Variants in LAMA2 observed in about 807,000 individuals in gnomAD.
LAMA2 encodes the protein laminin subunit alpha-2.
In LAMA2, 269 loss-of-function variants were observed where a neutral mutation model predicts 364.8. The observed-to-expected ratio is 0.74, with a 90% CI of 0.67 to 0.82. The LOEUF is 0.82. LAMA2 is among the 40% of genes least tolerant of loss of function. LAMA2 has a pLI of 0.00. For missense variants in LAMA2, 3,807 were observed against 3,873.2 expected (o/e 0.98, Z 0.45); for synonymous variants, 1,379 against 1,370.6 (o/e 1.01, Z -0.14).
At chr6:129,024,560 AT>A (rs1226230445) in intron 1 of LAMA2, among the ~76,000 whole-genome samples, 1 of 151,002 alleles carries the variant, frequency 6.6e-6, no homozygotes, top group Non-Finnish European at 1.5e-5. Context: ...TTTTTATTTT[AT>A]TTTTTTGTAT....
intron 1 of LAMA2, among the ~76,000 whole-genome samples, chr6:128,975,448 A>T (rs1204452115): frequency 2.0e-5 from 3 of 152,114 alleles, no homozygotes; most frequent in Non-Finnish European, 4.4e-5. Context: ...AAAGTATATG[A>T]CCTATTTCAG....
At chr6:129,118,667 A>G (rs909630368) in intron 4 of LAMA2, among the ~76,000 whole-genome samples, 3 of 152,210 alleles carry the variant, frequency 2.0e-5, no homozygotes, top group African/African-American at 7.2e-5. Flanking sequence ...TCTCTTCCCA[A>G]CTACTGTGAT....
chr6:129,384,993 G>T (rs1285009860), intron 35 of LAMA2, among the ~76,000 whole-genome samples: 3 of 135,364 alleles, frequency 2.2e-5, no homozygotes, highest in Non-Finnish European at 3.1e-5. Flanking sequence ...AACACTAAAT[G>T]TTCATTGAGA....
At chr6:129,175,815 ATG>A (rs1295569700) in intron 9 of LAMA2, among the ~76,000 whole-genome samples, 39 of 152,254 alleles carry the variant, frequency 2.6e-4, no homozygotes, top group Non-Finnish European at 4.9e-4. Flanking sequence ...TGTTCTGCAC[ATG>A]TATTCCAGAA....
At chr6:129,342,497 C>G (rs1475800822) in intron 30 of LAMA2, 30 bp downstream of exon 30, 1 of 1,607,080 alleles carries the variant, frequency 6.2e-7, no homozygotes, top group Non-Finnish European at 8.5e-7. Context: ...CCATATTTCC[C>G]AATCAGAAAC....
At chr6:129,057,405 G>A (rs895422029) in intron 2 of LAMA2, among the ~76,000 whole-genome samples, 1 of 151,842 alleles carries the variant, frequency 6.6e-6, no homozygotes, top group Non-Finnish European at 1.5e-5. Flanking sequence ...TGATATTATG[G>A]GTTTTAAAAA....
At chr6:129,438,854 G>A (rs1781962994) in intron 42 of LAMA2, 92 bp downstream of exon 42, 2 of 760,386 alleles carry the variant, frequency 2.6e-6, no homozygotes, top group South Asian at 1.4e-5. Flanking sequence ...AGATTATTCT[G>A]GTACTATTAT....
chr6:128,968,854 G>A (rs1782014756), intron 1 of LAMA2, among the ~76,000 whole-genome samples: 1 of 152,066 alleles, frequency 6.6e-6, no homozygotes, highest in Non-Finnish European at 1.5e-5. Context: ...GGGACCTTGT[G>A]CTTCGTTTGA....
chr6:129,237,372 T>C (rs1785064090), intron 12 of LAMA2, among the ~76,000 whole-genome samples: 1 of 152,136 alleles, frequency 6.6e-6, no homozygotes, highest in Non-Finnish European at 1.5e-5. Flanking sequence ...AGTCTTGCTC[T>C]ATCACCCAGG....
chr6:129,144,856 C>T (rs779877280), intron 5 of LAMA2, among the ~76,000 whole-genome samples: 4 of 151,920 alleles, frequency 2.6e-5, no homozygotes, highest in East Asian at 3.9e-4. Flanking sequence ...TGCTGTCTTC[C>T]AGTGTTAAAC....
At chr6:129,494,378 A>T (rs1785043831) in intron 58 of LAMA2, among the ~76,000 whole-genome samples, 1 of 152,242 alleles carries the variant, frequency 6.6e-6, no homozygotes, top group South Asian at 2.1e-4. Context: ...CATCCTTTGT[A>T]AAATAGAGAT....
intron 4 of LAMA2, among the ~76,000 whole-genome samples, chr6:129,124,794 A>G (rs948716518): frequency 3.9e-5 from 6 of 152,212 alleles, no homozygotes; most frequent in African/African-American, 1.4e-4. Context: ...CCACCACCAC[A>G]ATCCAATTTT....
intron 1 of LAMA2, among the ~76,000 whole-genome samples, chr6:129,014,028 A>G (rs1486953844): frequency 6.6e-6 from 1 of 152,180 alleles, no homozygotes; most frequent in Non-Finnish European, 1.5e-5. Context: ...CAGTTAGAGA[A>G]GGAAAATCAA....
chr6:129,199,207 A>G (rs1330658493), intron 12 of LAMA2, among the ~76,000 whole-genome samples: 1 of 152,178 alleles, frequency 6.6e-6, no homozygotes, highest in Non-Finnish European at 1.5e-5. Flanking sequence ...AAATTAGAAA[A>G]CCAGTTTAAG....
intron 1 of LAMA2, among the ~76,000 whole-genome samples, chr6:128,903,813 G>T (rs566645043): frequency 6.6e-6 from 1 of 152,188 alleles, no homozygotes; most frequent in Admixed American, 6.5e-5. Context: ...GTGACAGAGC[G>T]TCTGCTGTGG....
rs775798908 is a variant in LAMA2, at chr6:129,059,899, A to G, written c.396+3A>G. The G allele has an allele frequency of 1.4e-6, 2 of 1,457,046 alleles. No homozygotes were observed. The highest frequency in any genetic ancestry group is 2.3e-5 in the East Asian group (1 of 44,012). The allele number at this position is 1,457,046 out of a possible 1,614,324, so 90.3% of individuals were successfully genotyped here. On this transcript the variant is annotated splice_donor_region_variant and intron_variant, in intron 3 of 64. Coordinates refer to ENST00000421865, the MANE Select transcript of LAMA2 (RefSeq NM_000426.4). ...CAATTACCCTGGATTTACAGCAGGT[A>G]TAGTTCCTCTTTTTTTGTCATTTCC...
chr6:129,350,753 A>G (rs2114587762), intron 31 of LAMA2, among the ~76,000 whole-genome samples: 1 of 152,388 alleles, frequency 6.6e-6, no homozygotes, highest in East Asian at 1.9e-4. Flanking sequence ...TGTTTTATAT[A>G]ACCAGCAACA....
chr6:129,106,785 AAAAT>A (rs1466406763), intron 4 of LAMA2, among the ~76,000 whole-genome samples: 6 of 151,356 alleles, frequency 4.0e-5, no homozygotes, highest in Non-Finnish European at 7.4e-5. Context: ...TCTTTTTAAT[AAAAT>A]AAAGATAAAA....
intron 9 of LAMA2, among the ~76,000 whole-genome samples, chr6:129,171,917 C>T (rs1392511658): frequency 4.5e-5 from 5 of 112,296 alleles, no homozygotes; most frequent in African/African-American, 7.0e-5. Context: ...CACTTCATTT[C>T]ATTCATTTCA....
Sources: gnomAD v4.1 joint callset for allele counts (sites outside exome capture counted in the v4.1 genomes callset) on GRCh38, gnomAD v4.1.1 for gene constraint, MANE v1.5 for transcripts, NCBI Gene and HGNC (gene_info 2026-07-23, HGNC 2026-07-21) for gene names.